The following EEA1 variants were observed in gnomAD, a reference collection of about 807,000 sequenced individuals.
EEA1 encodes the protein early endosome antigen 1, 162kD.
EEA1 carries 111 observed loss-of-function variants against 209.2 expected under a neutral mutation model. That is an observed-to-expected ratio of 0.53 (90% CI 0.45 to 0.62). EEA1 has a LOEUF of 0.62. EEA1 is among the 20% of genes least tolerant of loss of function. The probability of loss-of-function intolerance (pLI) is 0.00; values close to 1 mark genes in which losing one functional copy is unlikely to be tolerated. For missense variants in EEA1, 1,343 were observed against 1,530.8 expected (o/e 0.88, Z 2.05); for synonymous variants, 536 against 540.6 (o/e 0.99, Z 0.12).
rs572392752 is a variant in EEA1 at position 92,817,195 on chromosome 12, T to C, written c.1729-795A>G. ...GGGTCACTAAGGTACTGTGTTTTTT[T>C]CCCCATCCTTTTTTCCCTCTGTACT... On this transcript the variant is annotated intron_variant, in intron 14 of 28. Coordinates refer to ENST00000322349, the MANE Select transcript of EEA1 (RefSeq NM_003566.4). Among the ~76,000 whole-genome samples, 48 of 151,438 alleles carry C rather than the reference T, an allele frequency of 3.2e-4. 1 individual carries two copies. Among genetic ancestry groups the C allele is most frequent in the African/African-American group, 1.2e-3 (48 of 40,764 alleles).
chr12:92,790,463 G>A (rs1418941841), intron 21 of EEA1, among the ~76,000 whole-genome samples: 1 of 152,028 alleles, frequency 6.6e-6, no homozygotes, highest in Non-Finnish European at 1.5e-5. Context: ...TGAAAACCAT[G>A]GCACGAGAAC....
Position 92,899,313 on chromosome 12 carries a change from T to C in EEA1, c.25-7592A>G, listed in dbSNP as rs1359170456. Among the ~76,000 whole-genome samples, 5 of 152,174 alleles carry C rather than the reference T, an allele frequency of 3.3e-5. No individual in the cohort carries two copies. In the South Asian group the frequency reaches 1.0e-3, roughly 32 times the overall value. On this transcript the variant is annotated intron_variant, in intron 1 of 28. Transcript: ENST00000322349. ...AAACATGAATTTTAGATACCACCAA[T>C]CTAGATCAAATCTCACTTCAGCCTA...
At chr12:92,778,276 C>T in intron 25 of EEA1, 97 bp from the exon 26 acceptor site, 1 of 910,902 alleles carries the variant, frequency 1.1e-6, no homozygotes, top group South Asian at 1.7e-5. Flanking sequence ...CAATTTGCTT[C>T]TTCGGGAATG....
intron 21 of EEA1, among the ~76,000 whole-genome samples, chr12:92,789,088 G>A (rs142016097): frequency 1.0e-3 from 153 of 151,938 alleles, no homozygotes; most frequent in African/African-American, 3.5e-3. Context: ...TCAGGAGTTC[G>A]AGACCAGCCT....
rs557304174 is a variant in EEA1, at chr12:92,927,414, G to A, written c.24+1629C>T. Among the ~76,000 whole-genome samples, 8 of 152,304 alleles carry A rather than the reference G, an allele frequency of 5.3e-5. No individual in the cohort carries two copies. The South Asian group carries it at 1.7e-3, about 32-fold the overall frequency. On this transcript the variant is annotated intron_variant, in intron 1 of 28. Coordinates refer to ENST00000322349, the MANE Select transcript of EEA1 (RefSeq NM_003566.4). ...AACCACAATCAATTTCACTTTTGTA[G>A]TTTCAACAGAAGCTTCTTTAACAGT... is the stretch of plus-strand genomic sequence containing the variant.
intron 2 of EEA1, among the ~76,000 whole-genome samples, chr12:92,885,887 C>T (rs1289115101): frequency 6.6e-6 from 1 of 152,094 alleles, no homozygotes; most frequent in African/African-American, 2.4e-5. Context: ...TGAGCAAATC[C>T]TCGCTGCAAG....
intron 1 of EEA1, among the ~76,000 whole-genome samples, chr12:92,900,292 A>G (rs1464721919): frequency 6.6e-6 from 1 of 152,172 alleles, no homozygotes; most frequent in Non-Finnish European, 1.5e-5. Context: ...AAAGTCCTCA[A>G]GTTGTTCTTA....
Position 92,809,158 on chromosome 12 carries a change from T to C in EEA1, c.2200-2A>G. 1.3e-6 allele frequency: 2 copies of C among 1,552,858 alleles called. No individual in the cohort carries two copies. The highest frequency in any genetic ancestry group is 2.3e-5 in the East Asian group (1 of 42,912). On this transcript the variant is annotated splice_acceptor_variant, in intron 17 of 28. Transcript: ENST00000322349. LOFTEE classifies it high-confidence loss of function. ...TTCAAGACTATCAGCTTCTAGTTTC[T>C]ATGAAAGAAATATGATATGGCAGCC...
chr12:92,908,604 CA>C (rs927423397), intron 1 of EEA1, among the ~76,000 whole-genome samples: 30 of 103,898 alleles, frequency 2.9e-4, no homozygotes, highest in African/African-American at 6.6e-4. Context: ...AGCACAAAGC[CA>C]AAAAAAATTG....
At chr12:92,799,736 G>A (rs929423336) in intron 20 of EEA1, among the ~76,000 whole-genome samples, 2 of 151,900 alleles carry the variant, frequency 1.3e-5, no homozygotes, top group African/African-American at 2.4e-5. Flanking sequence ...GCAGTGAGCC[G>A]AGATCGTGCC....
intron 22 of EEA1, among the ~76,000 whole-genome samples, chr12:92,786,663 A>G (rs1381798385): frequency 6.6e-6 from 1 of 152,124 alleles, no homozygotes; most frequent in Admixed American, 6.6e-5. Context: ...TTATGGAGAA[A>G]GGAAGTTAGT....
rs1565805890 is a variant in EEA1, at chr12:92,782,140, C to G, written c.3151-5G>C. On this transcript the variant is annotated splice_region_variant and splice_polypyrimidine_tract_variant and intron_variant, in intron 22 of 28. Coordinates refer to ENST00000322349, the MANE Select transcript of EEA1 (RefSeq NM_003566.4). Reference sequence around the variant, plus strand: ...AGAAAGCTTCTCTTCTACAGACTTACAAAAACAATTTTCCCAAATTATTAT... The same window carrying G: ...AGAAAGCTTCTCTTCTACAGACTTAGAAAAACAATTTTCCCAAATTATTAT... The G allele has an allele frequency of 1.3e-6, 2 of 1,585,122 alleles. No individual in the cohort carries two copies. Among genetic ancestry groups the G allele is most frequent in the South Asian group, 2.3e-5 (2 of 87,510 alleles).
intron 18 of EEA1, among the ~76,000 whole-genome samples, chr12:92,806,487 C>A (rs1237254000): frequency 6.6e-6 from 1 of 152,040 alleles, no homozygotes; most frequent in African/African-American, 2.4e-5. Flanking sequence ...TGAATTGAAC[C>A]CCAAATGAAA....
chr12:92,925,550 C>T (rs1362936328), intron 1 of EEA1, among the ~76,000 whole-genome samples: 2 of 152,144 alleles, frequency 1.3e-5, no homozygotes, highest in African/African-American at 4.8e-5. Context: ...GAAATGGCAA[C>T]AAGGTTTACA....
At position 92,801,720 on chromosome 12, in the gene EEA1, T is replaced by TATATTACATAAA; in HGVS notation, c.2671-31_2671-20dup. The TATATTACATAAA allele has an allele frequency of 6.8e-7, 1 of 1,473,962 alleles. No individual in the cohort carries two copies. 91.3% of individuals were successfully genotyped at this position (1,473,962 alleles called of 1,614,324 possible). The stretch of plus-strand genomic sequence containing the variant: ...TTTTTTCCTTAAAAAAAATGAAAAC[T>TATATTACATAAA]ATATTACATAAAAAATATTTGTAAT... On this transcript the variant is annotated intron_variant, in intron 19 of 28. Transcript: ENST00000322349.
intron 1 of EEA1, among the ~76,000 whole-genome samples, chr12:92,902,917 G>A (rs1026360556): frequency 3.3e-5 from 5 of 150,734 alleles, no homozygotes; most frequent in Non-Finnish European, 5.9e-5. Context: ...ACTAAACTAC[G>A]ACGTAACTGT....
intron 25 of EEA1, among the ~76,000 whole-genome samples, chr12:92,778,427 A>C (rs1324886106): frequency 6.6e-6 from 1 of 152,014 alleles, no homozygotes; most frequent in Non-Finnish European, 1.5e-5. Flanking sequence ...ACACAATGTG[A>C]GATCTTTCTT....
chr12:92,817,116 C>T (rs1051864627), intron 14 of EEA1, among the ~76,000 whole-genome samples: 2 of 151,054 alleles, frequency 1.3e-5, no homozygotes, highest in Non-Finnish European at 2.9e-5. Flanking sequence ...TCCTCCTCCC[C>T]ACCCTTCTGT....
rs1004943794 is a variant in EEA1 at position 92,853,135 on chromosome 12, C to T, written c.407-110G>A. The T allele has an allele frequency of 1.2e-5, 8 of 648,160 alleles. No homozygotes were observed. In the Admixed American group the frequency reaches 2.7e-4, roughly 21 times the overall value. 40.2% of individuals were successfully genotyped at this position (648,160 alleles called of 1,614,324 possible). Reference sequence around the variant, plus strand: ...AGATGATCAACTTAAGTTTATTATCCAATTACAAGTAGTATTTTGACACTT... The same window carrying T: ...AGATGATCAACTTAAGTTTATTATCTAATTACAAGTAGTATTTTGACACTT... On this transcript the variant is annotated intron_variant, in intron 6 of 28. Coordinates refer to ENST00000322349, the MANE Select transcript of EEA1 (RefSeq NM_003566.4).
Sources: allele counts gnomAD v4.1 joint callset (sites outside exome capture counted in the v4.1 genomes callset), GRCh38; gene constraint gnomAD v4.1.1; transcripts MANE v1.5; gene names NCBI Gene and HGNC (gene_info 2026-07-23, HGNC 2026-07-21).